The following DPP10 variants were observed in gnomAD, a reference collection of about 807,000 sequenced individuals.
The protein encoded by DPP10 is dipeptidyl peptidase like 10.
Under a neutral mutation model 120.9 loss-of-function variants are expected in DPP10, and 33 were observed. The observed-to-expected ratio is 0.27, with a 90% confidence interval of 0.21 to 0.37. DPP10 has a LOEUF of 0.37. Ranked by LOEUF, DPP10 falls within the 10% of genes least tolerant of loss-of-function variation. DPP10 has a pLI of 1.00. For synonymous variants in DPP10, 337 were observed against 326.1 expected, an observed-to-expected ratio of 1.03 and a Z score of -0.36; for missense variants, 816 against 942.8, an observed-to-expected ratio of 0.87 and a Z score of 1.76.
chr2:115,055,902 A>G (rs1443204766), intron 1 of DPP10, among the ~76,000 whole-genome samples: 2 of 152,184 alleles, frequency 1.3e-5, no homozygotes, highest in African/African-American at 4.8e-5. Flanking sequence ...AAAATGTGTC[A>G]TATTGGACTC....
chr2:115,311,913 TG>T (rs2061595512), intron 2 of DPP10, among the ~76,000 whole-genome samples: 1 of 151,920 alleles, frequency 6.6e-6, no homozygotes, highest in Admixed American at 6.6e-5. Flanking sequence ...CCACCATGCC[TG>T]GTTATGTTTT....
At chr2:114,609,622 G>GT (rs955143433) in intron 1 of DPP10, among the ~76,000 whole-genome samples, 1 of 127,352 alleles carries the variant, frequency 7.9e-6, no homozygotes, top group African/African-American at 2.6e-5. Flanking sequence ...AGAAAGCCAG[G>GT]TAAGTTGTCT....
intron 1 of DPP10, among the ~76,000 whole-genome samples, chr2:114,634,907 A>T (rs879590711): frequency 3.3e-5 from 5 of 151,364 alleles, no homozygotes; most frequent in Non-Finnish European, 7.4e-5. Context: ...GAGTTGATGA[A>T]CTTGAACAAA....
intron 5 of DPP10, among the ~76,000 whole-genome samples, chr2:115,541,458 G>A (rs2079165125): frequency 6.6e-6 from 1 of 151,638 alleles, no homozygotes; most frequent in Non-Finnish European, 1.5e-5. Flanking sequence ...CTAGCTTTGT[G>A]TTTATGTGTG....
At chr2:114,704,897 T>A (rs538073195) in intron 1 of DPP10, among the ~76,000 whole-genome samples, 42 of 152,108 alleles carry the variant, frequency 2.8e-4, no homozygotes, top group Admixed American at 9.8e-4. Flanking sequence ...GGTGTCCTTA[T>A]AAGAAAAGGA....
chr2:114,942,239 C>T (rs2104573808), intron 1 of DPP10, among the ~76,000 whole-genome samples: 1 of 146,950 alleles, frequency 6.8e-6, no homozygotes, highest in Admixed American at 6.9e-5. Flanking sequence ...TGCCACTGCA[C>T]TCCAGCCTGG....
intron 5 of DPP10, among the ~76,000 whole-genome samples, chr2:115,561,676 G>A (rs1046265501): frequency 8.5e-5 from 13 of 152,212 alleles, no homozygotes; most frequent in African/African-American, 2.9e-4. Context: ...TTTAACCAGT[G>A]TTGCAATGGC....
chr2:115,343,461 A>G (rs561925097), intron 2 of DPP10, among the ~76,000 whole-genome samples: 49 of 152,248 alleles, frequency 3.2e-4, no homozygotes, highest in South Asian at 2.5e-3. Context: ...GAATATATCA[A>G]CATAAGTTTG....
intron 2 of DPP10, among the ~76,000 whole-genome samples, chr2:115,316,503 A>T (rs1009657752): frequency 6.6e-6 from 1 of 152,178 alleles, no homozygotes; most frequent in Non-Finnish European, 1.5e-5. Context: ...AGGTGTAAAA[A>T]TTTGGACAAG....
At chr2:115,314,703 G>A (rs538756150) in intron 2 of DPP10, among the ~76,000 whole-genome samples, 61 of 152,210 alleles carry the variant, frequency 4.0e-4, no homozygotes, top group African/African-American at 1.4e-3. Context: ...ACTTACCCAG[G>A]TCGATACTGC....
intron 1 of DPP10, among the ~76,000 whole-genome samples, chr2:114,741,560 C>T (rs1278599671): frequency 6.6e-6 from 1 of 152,058 alleles, no homozygotes; most frequent in African/African-American, 2.4e-5. Context: ...CAATTGTGTT[C>T]CCCAAAAAGA....
chr2:115,090,976 T>TG (rs1709204488), intron 1 of DPP10, among the ~76,000 whole-genome samples: 1 of 152,168 alleles, frequency 6.6e-6, no homozygotes, highest in Non-Finnish European at 1.5e-5. Flanking sequence ...TAGATTTAGG[T>TG]GGTTTTTGAT....
intron 1 of DPP10, among the ~76,000 whole-genome samples, chr2:114,628,908 T>C (rs1694712318): frequency 6.6e-6 from 1 of 152,172 alleles, no homozygotes; most frequent in Admixed American, 6.6e-5. Context: ...TCTTCTTATT[T>C]CTTTGTCTTT....
chr2:114,497,277 ATACGTGTATACATG>A (rs1682677016), intron 1 of DPP10, among the ~76,000 whole-genome samples: 1 of 55,296 alleles, frequency 1.8e-5, no homozygotes, highest in Non-Finnish European at 4.2e-5. Context: ...ATGTACATGT[ATACGTGTATACATG>A]TACATGTATA....
intron 1 of DPP10, among the ~76,000 whole-genome samples, chr2:114,809,112 G>A (rs1684978278): frequency 6.6e-6 from 1 of 152,100 alleles, no homozygotes; most frequent in Admixed American, 6.6e-5. Context: ...ATTTATTTAT[G>A]TCAAGCACAG....
At chr2:115,702,592 G>C (rs1300856074) in intron 7 of DPP10, among the ~76,000 whole-genome samples, 1 of 152,072 alleles carries the variant, frequency 6.6e-6, no homozygotes, top group Non-Finnish European at 1.5e-5. Context: ...AGTGAAAGGA[G>C]CCAGTCTTCT....
intron 20 of DPP10, 117 bp from the exon 21 acceptor site, chr2:115,815,558 G>A (rs113298363): frequency 5.7e-6 from 5 of 879,664 alleles, no homozygotes; most frequent in African/African-American, 1.7e-5. Flanking sequence ...CAGAGCTACA[G>A]TTAGTAAAGC....
chr2:114,639,591 C>T (rs954277195), intron 1 of DPP10, among the ~76,000 whole-genome samples: 2 of 151,856 alleles, frequency 1.3e-5, no homozygotes, highest in African/African-American at 4.9e-5. Context: ...CCCCAAACCT[C>T]AGCATCATGC....
At chr2:115,118,378 C>T (rs1211004202) in intron 1 of DPP10, among the ~76,000 whole-genome samples, 1 of 152,162 alleles carries the variant, frequency 6.6e-6, no homozygotes, top group Non-Finnish European at 1.5e-5. Flanking sequence ...AGTCAGACTG[C>T]TCACTGGTTA....
Sources: allele counts gnomAD v4.1 joint callset (sites outside exome capture counted in the v4.1 genomes callset), GRCh38; gene constraint gnomAD v4.1.1; transcripts MANE v1.5; gene names NCBI Gene and HGNC (gene_info 2026-07-23, HGNC 2026-07-21).